Variants in STEAP1 observed in about 807,000 individuals in gnomAD.
STEAP1 encodes STEAP family member 1.
In STEAP1, 30 loss-of-function variants were observed where a neutral mutation model predicts 34.4. That is an observed-to-expected ratio of 0.87 (90% confidence interval 0.65 to 1.18). The LOEUF (loss-of-function observed/expected upper bound fraction) is 1.18, where lower values mean the gene tolerates loss of function less well. Ranked by LOEUF, STEAP1 falls within the 50% of genes most tolerant of loss-of-function variation. STEAP1 has a pLI of 0.00. For synonymous variants in STEAP1, 116 were observed against 135.3 expected, an observed-to-expected ratio of 0.86 and a Z score of 0.99; for missense variants, 318 against 391.1, an observed-to-expected ratio of 0.81 and a Z score of 1.58.
chr7:90,164,531 G>T lies in STEAP1; in HGVS notation c.817G>T (p.Ala273Ser), dbSNP rs147507198. Residue 273 changes from alanine to serine, a missense_variant, in exon 5 of 5, where the codon GCC becomes TCC. Transcript: ENST00000297205. Reference protein sequence around the residue: ...LLGTIHALIFAWNKWIDIKQF... With the variant: ...LLGTIHALIFSWNKWIDIKQF... Reference sequence around the variant, plus strand: ...GGGCACAATACACGCATTGATTTTTGCCTGGAATAAGTGGATAGATATAAA... The same window carrying T: ...GGGCACAATACACGCATTGATTTTTTCCTGGAATAAGTGGATAGATATAAA... The T allele has an allele frequency of 6.2e-7, 1 of 1,612,982 alleles. No homozygotes were observed. The highest frequency in any genetic ancestry group is 8.5e-7 in the Non-Finnish European group (1 of 1,179,500).
chr7:90,156,088 T>C (rs1794115066), intron 1 of STEAP1, among the ~76,000 whole-genome samples: 1 of 152,240 alleles, frequency 6.6e-6, no homozygotes, highest in South Asian at 2.1e-4. Context: ...CTGCCTTACA[T>C]TGTTGTTCAC....
intron 1 of STEAP1, among the ~76,000 whole-genome samples, chr7:90,157,976 T>C (rs1794135861): frequency 6.6e-6 from 1 of 152,238 alleles, no homozygotes; most frequent in Non-Finnish European, 1.5e-5. Context: ...CTATTGCTCC[T>C]AGGCTACTAA....
rs763487952 is a variant in STEAP1, at chr7:90,164,693, G to A, written c.979G>A (p.Val327Ile). 5.6e-6 allele frequency: 9 copies of A among 1,613,082 alleles called. No homozygotes were observed. The highest frequency in any genetic ancestry group is 4.5e-5 in the East Asian group (2 of 44,816). ...GAAGATTAGACATGGTTGGGAAGACGTCACCAAAATTAACAAAACTGAGAT... is the reference window on the plus strand; with the variant it reads ...GAAGATTAGACATGGTTGGGAAGACATCACCAAAATTAACAAAACTGAGAT... ...ILKIRHGWED[V>I]TKINKTEICS... is the part of the protein sequence containing the mutation. Residue 327 changes from valine to isoleucine, a missense_variant, in exon 5 of 5, where the codon GTC becomes ATC. By Grantham distance (29) the Val-to-Ile change is conservative. Coordinates refer to ENST00000297205, the MANE Select transcript of STEAP1 (RefSeq NM_012449.3).
intron 1 of STEAP1, among the ~76,000 whole-genome samples, chr7:90,159,311 A>G (rs1289357042): frequency 6.6e-6 from 1 of 152,228 alleles, no homozygotes; most frequent in Non-Finnish European, 1.5e-5. Context: ...TTCAGACTCC[A>G]GTGTCAACCC....
rs1172459340 is a variant in STEAP1, at chr7:90,160,817, G to GGA, written c.102_103dup (p.Thr35ArgfsTer5). Reference sequence around the variant, plus strand: ...CTTTCCTTTGTAGCATAAGGACACGGGAGAGACCAGCATGCTAAAAAGACC... The same window carrying GGA: ...CTTTCCTTTGTAGCATAAGGACACGGGAGAGAGACCAGCATGCTAAAAAGACC... On this transcript the variant is annotated frameshift_variant, in exon 3 of 5. Coordinates refer to ENST00000297205, the MANE Select transcript of STEAP1 (RefSeq NM_012449.3). LOFTEE classifies it high-confidence loss of function. 6.2e-7 allele frequency: 1 copy of GGA among 1,613,466 alleles called. No individual in the cohort carries two copies. Among genetic ancestry groups the GGA allele is most frequent in the African/African-American group, 1.3e-5 (1 of 74,924 alleles).
Position 90,160,873 on chromosome 7 carries a change from T to A in STEAP1, c.153T>A (p.His51Gln), listed in dbSNP as rs368652491. ...TTTTGCATTTGCACCAAACAGCCCA[T>A]GCTGATGAATTTGACTGCCCTTCAG... is the stretch of plus-strand genomic sequence containing the variant. Reference protein sequence around the residue: ...PVLLHLHQTAHADEFDCPSEL... With the variant: ...PVLLHLHQTAQADEFDCPSEL... The change falls in exon 3 of 5, where the codon CAT (histidine) becomes CAA (glutamine). Residue 51 changes from histidine to glutamine, a missense_variant. By Grantham distance (24) the His-to-Gln change is conservative. Coordinates refer to ENST00000297205, the MANE Select transcript of STEAP1 (RefSeq NM_012449.3). 1.9e-5 allele frequency: 31 copies of A among 1,613,896 alleles called. No individual in the cohort carries two copies. The African/African-American group carries it at 4.1e-4, about 22-fold the overall frequency.
rs781187494 is a variant in STEAP1, at chr7:90,164,592, T to C, written c.878T>C (p.Ile293Thr). 1.9e-6 allele frequency: 3 copies of C among 1,613,836 alleles called. No homozygotes were observed. The highest frequency in any genetic ancestry group is 4.5e-5 in the East Asian group (2 of 44,820). Residue 293 changes from isoleucine (I) to threonine (T), a missense_variant, in exon 5 of 5, where the codon ATA becomes ACA. Physicochemically the swap from Ile to Thr is moderately conservative, Grantham distance 89. Transcript: ENST00000297205. Reference protein sequence around the residue: ...FVWYTPPTFMIAVFLPIVVLI... With the variant: ...FVWYTPPTFMTAVFLPIVVLI... ...TGGTATACACCTCCAACTTTTATGA[T>C]AGCTGTTTTCCTTCCAATTGTTGTC... is the stretch of plus-strand genomic sequence containing the variant.
chr7:90,162,841 A>T (rs39285), intron 4 of STEAP1: 73 of 216,034 alleles, frequency 3.4e-4, no homozygotes, highest in Non-Finnish European at 5.5e-4. Context: ...TCTACCAAAG[A>T]TATTCTAGTG....
intron 4 of STEAP1, chr7:90,163,148 C>T (rs1045857970): frequency 1.1e-5 from 3 of 263,424 alleles, no homozygotes; most frequent in East Asian, 8.3e-5. Flanking sequence ...CATGTCCACA[C>T]GTATACTCCA....
Position 90,161,039 on chromosome 7 carries a change from T to C in STEAP1, c.319T>C (p.Tyr107His), listed in dbSNP as rs1250994087. Residue 107 changes from tyrosine (Y) to histidine (H), a missense_variant, in exon 3 of 5, where the codon TAT becomes CAT. Physicochemically the swap from Tyr to His is moderately conservative, Grantham distance 83. Transcript: ENST00000297205. ...PLATSHQQYF[Y>H]KIPILVINKV... ...AGCAACTTCCCATCAACAATATTTTTATAAAATTCCAATCCTGGTCATCAA... is the reference window on the plus strand; with the variant it reads ...AGCAACTTCCCATCAACAATATTTTCATAAAATTCCAATCCTGGTCATCAA... The C allele has an allele frequency of 1.9e-6, 3 of 1,614,016 alleles. No individual in the cohort carries two copies. In the Admixed American group the frequency reaches 5.0e-5, roughly 27 times the overall value.
intron 4 of STEAP1, chr7:90,162,836 C>A: frequency 4.8e-6 from 1 of 210,194 alleles, no homozygotes; most frequent in Admixed American, 4.6e-5. Flanking sequence ...TTTTATCTAC[C>A]AAAGATATTC....
At chr7:90,158,606 G>T (rs1262475441) in intron 1 of STEAP1, among the ~76,000 whole-genome samples, 2 of 152,146 alleles carry the variant, frequency 1.3e-5, no homozygotes, top group Non-Finnish European at 2.9e-5. Context: ...GCATGGAGCT[G>T]CCATCTTCTA....
rs753918145 is a variant in STEAP1 at position 90,160,886 on chromosome 7, G to C, written c.166G>C (p.Asp56His). 37 of 1,613,882 alleles carry C rather than the reference G, an allele frequency of 2.3e-5. No individual in the cohort carries two copies. The highest frequency in any genetic ancestry group is 3.0e-5 in the Non-Finnish European group (35 of 1,179,880). Residue 56 changes from aspartate to histidine, a missense_variant, in exon 3 of 5, where the codon GAC (aspartate) becomes CAC (histidine). Asp to His is a moderately conservative substitution (Grantham distance 81). Transcript: ENST00000297205. ...CCAAACAGCCCATGCTGATGAATTT[G>C]ACTGCCCTTCAGAACTTCAGCACAC... ...LHQTAHADEF[D>H]CPSELQHTQE...
chr7:90,158,448 A>AT (rs140238911), intron 1 of STEAP1, among the ~76,000 whole-genome samples: 10 of 149,740 alleles, frequency 6.7e-5, no homozygotes, highest in East Asian at 2.0e-4. Context: ...TCTATTTCTA[A>AT]TTTTTTTTTT....
At chr7:90,154,868 A>C (rs576262127) in intron 1 of STEAP1, among the ~76,000 whole-genome samples, 1 of 152,310 alleles carries the variant, frequency 6.6e-6, no homozygotes, top group Non-Finnish European at 1.5e-5. Flanking sequence ...TTTGATGGCA[A>C]GTTTTTTAAC....
In STEAP1 at chr7:90,162,062, A is replaced by G. The variant is rs1794193651; in HGVS notation, c.746A>G (p.Glu249Gly). 1 of 1,604,844 alleles carries G rather than the reference A, an allele frequency of 6.2e-7. No homozygotes were observed. The change falls in exon 4 of 5, where the codon GAA becomes GGA. Residue 249 changes from glutamate to glycine, a missense_variant. By Grantham distance (98) the Glu-to-Gly change is moderately conservative (BLOSUM62 -2). Transcript: ENST00000297205. ...GTGAGTGACTCTTTGACATGGAGAGAATTTCACTATATTCAGGTAAATAAT... is the reference window on the plus strand; with the variant it reads ...GTGAGTGACTCTTTGACATGGAGAGGATTTCACTATATTCAGGTAAATAAT... ...PSVSDSLTWR[E>G]FHYIQSKLGI...
At chr7:90,154,921 G>A (rs17865122) in intron 1 of STEAP1, among the ~76,000 whole-genome samples, 3,956 of 152,284 alleles carry the variant, frequency 0.026, 177 homozygotes, top group African/African-American at 0.089. Context: ...ACGAATGACT[G>A]GTGCACAGTA....
intron 1 of STEAP1, among the ~76,000 whole-genome samples, chr7:90,157,488 C>A (rs1390629110): frequency 6.6e-6 from 1 of 152,136 alleles, no homozygotes; most frequent in African/African-American, 2.4e-5. Context: ...CATCGCTAAG[C>A]CAATCAATGG....
intron 1 of STEAP1, among the ~76,000 whole-genome samples, chr7:90,158,722 T>C (rs957110951): frequency 3.9e-5 from 6 of 152,176 alleles, no homozygotes; most frequent in Admixed American, 3.9e-4. Flanking sequence ...ACAATAATAA[T>C]AAAAAGTATA....
Sources: gnomAD v4.1 joint callset for allele counts (sites outside exome capture counted in the v4.1 genomes callset) on GRCh38, gnomAD v4.1.1 for gene constraint, MANE v1.5 for transcripts, NCBI Gene and HGNC (gene_info 2026-07-23, HGNC 2026-07-21) for gene names.